ZNF618: variants seen among roughly 807,000 people sequenced by gnomAD.
The protein encoded by ZNF618 is neural precursor cell expressed, developmentally down-regulated 10.
Under a neutral mutation model 103.0 loss-of-function variants are expected in ZNF618, and 34 were observed. The observed-to-expected ratio is 0.33, with a 90% CI of 0.25 to 0.44. ZNF618 has a LOEUF of 0.44. Ranked by LOEUF, ZNF618 falls within the 20% of genes least tolerant of loss-of-function variation. ZNF618 has a pLI of 1.00. For synonymous variants in ZNF618, 551 were observed against 542.2 expected, an observed-to-expected ratio of 1.02 and a Z score of -0.23; for missense variants, 1,059 against 1,295.4, an observed-to-expected ratio of 0.82 and a Z score of 2.80.
intron 1 of ZNF618, among the ~76,000 whole-genome samples, chr9:113,964,187 G>C (rs527387532): frequency 6.6e-6 from 1 of 152,284 alleles, no homozygotes; most frequent in East Asian, 1.9e-4. Flanking sequence ...TAGGGGGACT[G>C]TGAGGCCCCC....
intron 1 of ZNF618, among the ~76,000 whole-genome samples, chr9:113,968,573 A>C (rs1837651027): frequency 6.6e-6 from 1 of 152,166 alleles, no homozygotes; most frequent in Non-Finnish European, 1.5e-5. Flanking sequence ...CAGTCTCTGC[A>C]TCTGAATCAG....
intron 11 of ZNF618, among the ~76,000 whole-genome samples, chr9:114,031,113 T>TGAAATGGGAATGACAGTGG (rs775472314): frequency 8.7e-4 from 132 of 152,236 alleles, no homozygotes; most frequent in Non-Finnish European, 1.6e-3. Flanking sequence ...TTTTCACCTG[T>TGAAATGGGAATGACAGTGG]GAAATGGGAA....
rs1239049761 is a variant in ZNF618 at position 114,054,937 on chromosome 9, C to G, written c.*4770C>G. ...ACATATTCATGCCCCGTCCCTTCCCCCCCCACCCCCCCGCCCACCCACCAC... is the reference window on the plus strand; with the variant it reads ...ACATATTCATGCCCCGTCCCTTCCCGCCCCACCCCCCCGCCCACCCACCAC... On this transcript the variant is annotated 3_prime_UTR_variant, in exon 15 of 15. Transcript: ENST00000374126. 1 of 136,080 alleles carries G rather than the reference C, an allele frequency of 7.3e-6. No homozygotes were observed. Among genetic ancestry groups the G allele is most frequent in the African/African-American group, 2.6e-5 (1 of 37,776 alleles). The allele number at this position is 136,080 out of a possible 1,614,324, so 8.4% of individuals were successfully genotyped here.
At position 113,950,714 on chromosome 9, in the gene ZNF618, G is replaced by A. The variant is rs568400943; in HGVS notation, c.34-18403G>A. On this transcript the variant is annotated intron_variant, in intron 1 of 14. Transcript: ENST00000374126. ...ATTCAAATCATTGAATGGTGGGACCGCTGGGAAGAGTAGACATCAGAGGGG... is the reference window on the plus strand; with the variant it reads ...ATTCAAATCATTGAATGGTGGGACCACTGGGAAGAGTAGACATCAGAGGGG... 1.3e-4 allele frequency among the ~76,000 whole-genome samples: 20 copies of A among 152,284 alleles called. No individual in the cohort carries two copies. In the East Asian group the frequency reaches 2.3e-3, roughly 18 times the overall value.
At chr9:113,928,898 A>T (rs968273189) in intron 1 of ZNF618, among the ~76,000 whole-genome samples, 2 of 152,002 alleles carry the variant, frequency 1.3e-5, no homozygotes, top group Non-Finnish European at 2.9e-5. Flanking sequence ...TTCTCCCTTT[A>T]TGTGAGATAG....
chr9:113,935,883 C>T (rs1833986602), intron 1 of ZNF618, among the ~76,000 whole-genome samples: 1 of 152,144 alleles, frequency 6.6e-6, no homozygotes, highest in Non-Finnish European at 1.5e-5. Context: ...GCCCGTTCCT[C>T]CCAGCATCTT....
chr9:113,888,212 A>C (rs1829256460), intron 1 of ZNF618, among the ~76,000 whole-genome samples: 1 of 152,206 alleles, frequency 6.6e-6, no homozygotes, highest in African/African-American at 2.4e-5. Context: ...AGCTGAGGAA[A>C]GCACAGTAAC....
At chr9:113,939,258 T>G (rs971430741) in intron 1 of ZNF618, among the ~76,000 whole-genome samples, 3 of 152,162 alleles carry the variant, frequency 2.0e-5, no homozygotes, top group African/African-American at 7.2e-5. Context: ...AATTCCTAAT[T>G]ATATTGATCA....
chr9:113,997,622 A>G (rs1350462140), intron 3 of ZNF618, among the ~76,000 whole-genome samples: 2 of 152,246 alleles, frequency 1.3e-5, no homozygotes, highest in Admixed American at 6.5e-5. Context: ...AACTGGCTGC[A>G]TGAACTGGGC....
intron 13 of ZNF618, among the ~76,000 whole-genome samples, chr9:114,046,886 C>G (rs976554286): frequency 1.3e-5 from 2 of 152,204 alleles, no homozygotes; most frequent in African/African-American, 4.8e-5. Context: ...GTAAATCCCA[C>G]TTGGTCATGG....
intron 1 of ZNF618, among the ~76,000 whole-genome samples, chr9:113,919,557 C>T (rs759126074): frequency 1.3e-5 from 2 of 152,144 alleles, no homozygotes; most frequent in African/African-American, 2.4e-5. Context: ...GCGAACTTGG[C>T]GAGTGGTAGC....
chr9:113,988,723 T>G, intron 3 of ZNF618, 143 bp downstream of exon 3: 1 of 1,275,798 alleles, frequency 7.8e-7, no homozygotes, highest in Non-Finnish European at 1.1e-6. Context: ...CAGGGAGAGA[T>G]CTCAGCTTCT....
intron 3 of ZNF618, among the ~76,000 whole-genome samples, chr9:113,997,057 TTTC>T (rs753578694): frequency 1.5e-3 from 126 of 83,498 alleles, no homozygotes; most frequent in South Asian, 3.2e-3. Flanking sequence ...TCTCTCTCTC[TTTC>T]TTTTTTTTTT....
At chr9:113,987,636 C>T (rs1192405749) in intron 2 of ZNF618, among the ~76,000 whole-genome samples, 5 of 152,222 alleles carry the variant, frequency 3.3e-5, no homozygotes, top group Admixed American at 2.6e-4. Flanking sequence ...GAAACCCTTA[C>T]CGCCCAAAGC....
chr9:114,028,006 G>A (rs1182245826), intron 10 of ZNF618: 1 of 152,152 alleles, frequency 6.6e-6, no homozygotes, highest in Non-Finnish European at 1.5e-5. Flanking sequence ...CCACTGCTAA[G>A]GGTTCAGGGG....
At chr9:113,987,107 A>G (rs1416023665) in intron 2 of ZNF618, among the ~76,000 whole-genome samples, 1 of 152,190 alleles carries the variant, frequency 6.6e-6, no homozygotes, top group Admixed American at 6.5e-5. Context: ...TAGCATGGCC[A>G]GGGCAGTGTC....
At position 113,876,364 on chromosome 9, in the gene ZNF618, T is replaced by G. The variant is rs1404677250; in HGVS notation, c.-17T>G. ...AGGAGCAGGACGCGCCGGGGCCGCCTCCTCCCGCACGGACCCATGAACCAG... is the reference window on the plus strand; with the variant it reads ...AGGAGCAGGACGCGCCGGGGCCGCCGCCTCCCGCACGGACCCATGAACCAG... On this transcript the variant is annotated 5_prime_UTR_variant, in exon 1 of 15. Coordinates refer to ENST00000374126, the MANE Select transcript of ZNF618 (RefSeq NM_001318042.2). 2 of 1,193,496 alleles carry G rather than the reference T, an allele frequency of 1.7e-6. No individual in the cohort carries two copies. Among genetic ancestry groups the G allele is most frequent in the Non-Finnish European group, 2.1e-6 (2 of 966,766 alleles). 73.9% of individuals were successfully genotyped at this position (1,193,496 alleles called of 1,614,324 possible).
rs376145816 is a variant in ZNF618, at chr9:114,016,801, G to A, written c.844+17G>A. ...CCCCCATCAGTGAGTACCTCCTCCC[G>A]GTAGGGATGGGGGTTGGGGGACCCG... On this transcript the variant is annotated intron_variant, in intron 10 of 14. Coordinates refer to ENST00000374126, the MANE Select transcript of ZNF618 (RefSeq NM_001318042.2). 29 of 1,595,986 alleles carry A rather than the reference G, an allele frequency of 1.8e-5. No homozygotes were observed. Among genetic ancestry groups the A allele is most frequent in the African/African-American group, 1.6e-4 (12 of 74,606 alleles).
intron 6 of ZNF618, among the ~76,000 whole-genome samples, chr9:114,004,549 C>T (rs1302065252): frequency 6.6e-6 from 1 of 152,244 alleles, no homozygotes; most frequent in Non-Finnish European, 1.5e-5. Context: ...CGCGGGCTTG[C>T]TGGTTGCTGA....
Sources: allele counts gnomAD v4.1 joint callset (sites outside exome capture counted in the v4.1 genomes callset), GRCh38; gene constraint gnomAD v4.1.1; transcripts MANE v1.5; gene names NCBI Gene and HGNC (gene_info 2026-07-23, HGNC 2026-07-21).